The following ABHD2 variants were observed in gnomAD, a reference collection of about 807,000 sequenced individuals.
ABHD2 encodes abhydrolase domain containing 2, acylglycerol lipase.
In ABHD2, 20 loss-of-function variants were observed where a neutral mutation model predicts 48.1. The observed-to-expected ratio is 0.42, with a 90% CI of 0.29 to 0.60. The LOEUF is 0.60. Among genes scored for constraint, ABHD2 ranks in the 20% least tolerant of loss-of-function variants. The pLI, the probability that ABHD2 is intolerant of heterozygous loss-of-function variation, is 0.24. For synonymous variants in ABHD2, 209 were observed against 214.2 expected, an observed-to-expected ratio of 0.98 and a Z score of 0.21; for missense variants, 405 against 550.9, an observed-to-expected ratio of 0.74 and a Z score of 2.65.
intron 1 of ABHD2, among the ~76,000 whole-genome samples, chr15:89,109,216 G>T (rs1001589204): frequency 6.6e-6 from 1 of 152,222 alleles, no homozygotes; most frequent in African/African-American, 2.4e-5. Context: ...ACCTCTGGTG[G>T]AAATACCAGT....
In ABHD2 at chr15:89,189,174, G is replaced by C. The variant is rs115227474; in HGVS notation, c.926+871G>C. Among the ~76,000 whole-genome samples, 17 of 152,088 alleles carry C rather than the reference G, an allele frequency of 1.1e-4. No homozygotes were observed. Among genetic ancestry groups the C allele is most frequent in the East Asian group, 1.9e-4 (1 of 5,176 alleles). ...TGATCTCATCATTCTCTTTAAATACGTGATCCTTTTCATTTAACAATCATT... is the reference window on the plus strand; with the variant it reads ...TGATCTCATCATTCTCTTTAAATACCTGATCCTTTTCATTTAACAATCATT... On this transcript the variant is annotated intron_variant, in intron 8 of 10. Coordinates refer to ENST00000352732, the MANE Select transcript of ABHD2 (RefSeq NM_152924.5). The surrounding 1 kb of genome is among the most constrained non-coding windows in gnomAD (Gnocchi z 4.9).
At chr15:89,057,510 T>C in the ABHD2 span, among the ~76,000 whole-genome samples, 9 of 152,228 alleles carry the variant, frequency 5.9e-5, no homozygotes, top group East Asian at 1.5e-3. Context: ...TGAGAGTTCT[T>C]TGGGAAGCTT....
chr15:89,153,149 G>A (rs542036415), intron 4 of ABHD2, among the ~76,000 whole-genome samples: 123 of 152,266 alleles, frequency 8.1e-4, no homozygotes, highest in African/African-American at 2.9e-3. Flanking sequence ...TCTCCTCAGA[G>A]GGACTGTCTC....
the ABHD2 span, among the ~76,000 whole-genome samples, chr15:89,077,894 A>G: frequency 2.0e-5 from 3 of 152,204 alleles, no homozygotes; most frequent in African/African-American, 7.2e-5. Flanking sequence ...GCAACGTGTT[A>G]CCTAGAAACT....
At position 89,198,928 on chromosome 15, in the gene ABHD2, G is replaced by A. The variant is rs2051440547; in HGVS notation, c.*3505G>A. ...TTCAGAGTCCCCGTTGTCATCGTAA[G>A]ACCCTTGCTGTTTGGAGGGTGGTCT... On this transcript the variant is annotated 3_prime_UTR_variant, in exon 11 of 11. Transcript: ENST00000352732. The surrounding 1 kb of genome is among the most constrained non-coding windows in gnomAD (Gnocchi z 5.1). 2 of 152,244 alleles carry A rather than the reference G, an allele frequency of 1.3e-5. No individual in the cohort carries two copies. Among genetic ancestry groups the A allele is most frequent in the Admixed American group, 1.3e-4 (2 of 15,272 alleles). 9.4% of individuals were successfully genotyped at this position (152,244 alleles called of 1,614,324 possible).
rs148883196 is a variant in ABHD2 at position 89,181,368 on chromosome 15, C to T, written c.723-4056C>T. 2.0e-3 allele frequency among the ~76,000 whole-genome samples: 300 copies of T among 151,724 alleles called. 3 individuals are homozygous for T. The highest frequency in any genetic ancestry group is 6.8e-3 in the Middle Eastern group (2 of 292). ...CTACAAGTAAAAATACTTCTTAGGT[C>T]GGTGTGATAGCATTATGGGAAAGTA... On this transcript the variant is annotated intron_variant, in intron 6 of 10. Transcript: ENST00000352732.
chr15:89,193,867 G>A (rs1488593076), intron 10 of ABHD2, among the ~76,000 whole-genome samples: 2 of 149,176 alleles, frequency 1.3e-5, no homozygotes, highest in East Asian at 2.0e-4. Context: ...CTTGCAGTGA[G>A]CCGAGATCAC....
chr15:89,045,315 GT>G, the ABHD2 span, among the ~76,000 whole-genome samples: 3 of 152,068 alleles, frequency 2.0e-5, no homozygotes, highest in African/African-American at 7.3e-5. Context: ...TAGCCTTGTA[GT>G]ATAGTTTGAA....
intron 3 of ABHD2, among the ~76,000 whole-genome samples, chr15:89,138,780 G>T (rs555451655): frequency 6.6e-6 from 1 of 152,146 alleles, no homozygotes; most frequent in Non-Finnish European, 1.5e-5. Context: ...CTGGTTGGGG[G>T]AGTTGATGAG....
At chr15:89,095,636 G>T (rs937638268) in intron 1 of ABHD2, among the ~76,000 whole-genome samples, 8 of 152,118 alleles carry the variant, frequency 5.3e-5, no homozygotes, top group Non-Finnish European at 1.0e-4. Flanking sequence ...GGTATGCCCG[G>T]TAATGGCCCA....
chr15:89,131,626 C>T (rs1596095983), intron 3 of ABHD2, among the ~76,000 whole-genome samples: 1 of 152,046 alleles, frequency 6.6e-6, no homozygotes, highest in East Asian at 1.9e-4. Context: ...ACATAGAAAA[C>T]TAAGCTGATG....
At chr15:89,134,433 C>A (rs1412579240) in intron 3 of ABHD2, among the ~76,000 whole-genome samples, 3 of 152,090 alleles carry the variant, frequency 2.0e-5, no homozygotes, top group African/African-American at 7.2e-5. Context: ...CCTTTTTCAC[C>A]AACTAAATTT....
chr15:89,148,579 C>T (rs769677561), intron 3 of ABHD2, among the ~76,000 whole-genome samples: 1 of 152,228 alleles, frequency 6.6e-6, no homozygotes. Flanking sequence ...CTCTCAGTTC[C>T]ATCACAGTGC....
chr15:89,073,768 T>TAC, the ABHD2 span, among the ~76,000 whole-genome samples: 46 of 152,314 alleles, frequency 3.0e-4, no homozygotes, highest in African/African-American at 1.1e-3. Flanking sequence ...ATATCGATCC[T>TAC]ACACATCTGT....
intron 1 of ABHD2, chr15:89,090,179 C>T (rs1161976382): frequency 6.6e-6 from 1 of 152,188 alleles, no homozygotes; most frequent in Non-Finnish European, 1.5e-5. Flanking sequence ...ATTTTGGTGC[C>T]TGAGTGCCTG....
At chr15:89,052,203 G>T in the ABHD2 span, among the ~76,000 whole-genome samples, 1 of 152,090 alleles carries the variant, frequency 6.6e-6, no homozygotes, top group African/African-American at 2.4e-5. Context: ...ACCTCATTGT[G>T]GGGCTGGACC....
chr15:89,185,999 T>C lies in ABHD2; in HGVS notation c.815+483T>C, dbSNP rs759251022. On this transcript the variant is annotated intron_variant, in intron 7 of 10. Coordinates refer to ENST00000352732, the MANE Select transcript of ABHD2 (RefSeq NM_152924.5). This position sits in a 1 kb window ranked among gnomAD's most constrained non-coding sequence, Gnocchi z 5.9. ...AGAAAAGAAACCTGTCCCAAGCTAC[T>C]GAATTTGCCAAATTGCCTTATGCTT... Among the ~76,000 whole-genome samples the C allele has an allele frequency of 1.3e-5, 2 of 152,212 alleles. No homozygotes were observed. The highest frequency in any genetic ancestry group is 1.5e-5 in the Non-Finnish European group (1 of 68,038).
At chr15:89,139,596 C>T (rs1013284036) in intron 3 of ABHD2, among the ~76,000 whole-genome samples, 1 of 152,172 alleles carries the variant, frequency 6.6e-6, no homozygotes. Flanking sequence ...AGGTTCGGAC[C>T]TGATAACATC....
chr15:89,071,142 G>A, the ABHD2 span, among the ~76,000 whole-genome samples: 4 of 152,050 alleles, frequency 2.6e-5, no homozygotes, highest in Admixed American at 1.3e-4. Flanking sequence ...GGTTTTGGCC[G>A]GGCACGGTGG....
Sources: gnomAD v4.1 joint callset for allele counts (sites outside exome capture counted in the v4.1 genomes callset) on GRCh38, gnomAD v4.1.1 for gene constraint, Gnocchi (gnomAD v3.1) non-coding constraint, MANE v1.5 for transcripts, NCBI Gene and HGNC (gene_info 2026-07-23, HGNC 2026-07-21) for gene names.